The following MAGI2 variants were observed in gnomAD, a reference collection of about 807,000 sequenced individuals.
MAGI2 encodes membrane associated guanylate kinase, WW and PDZ domain containing 2.
A neutral mutation model predicts 133.3 loss-of-function variants in MAGI2; 35 were observed. The observed-to-expected ratio is 0.26, with a 90% CI of 0.20 to 0.35. The LOEUF is 0.35. Among genes scored for constraint, MAGI2 ranks in the 10% least tolerant of loss-of-function variants. The pLI, the probability that MAGI2 is intolerant of heterozygous loss-of-function variation, is 1.00. For synonymous variants in MAGI2, 729 were observed against 710.6 expected, an observed-to-expected ratio of 1.03 and a Z score of -0.41; for missense variants, 1,636 against 1,863.4, an observed-to-expected ratio of 0.88 and a Z score of 2.25.
intron 1 of MAGI2, among the ~76,000 whole-genome samples, chr7:79,383,925 C>A (rs1184362175): frequency 6.6e-5 from 10 of 151,130 alleles, no homozygotes; most frequent in Middle Eastern, 3.4e-3. Context: ...TTAGATATAC[C>A]AGACTGCAAT....
At chr7:78,928,047 C>T (rs1298494115) in intron 2 of MAGI2, among the ~76,000 whole-genome samples, 1 of 151,892 alleles carries the variant, frequency 6.6e-6, no homozygotes, top group South Asian at 2.1e-4. Context: ...AAAATTTATT[C>T]TGAATTATGC....
intron 1 of MAGI2, among the ~76,000 whole-genome samples, chr7:79,179,249 T>C (rs886811738): frequency 1.3e-5 from 2 of 151,980 alleles, no homozygotes; most frequent in South Asian, 4.1e-4. Context: ...AAATTTATGT[T>C]CAGCAAAATT....
intron 21 of MAGI2, among the ~76,000 whole-genome samples, chr7:78,044,018 G>A (rs11763652): frequency 0.067 from 10,151 of 152,178 alleles, 343 homozygotes; most frequent in South Asian, 0.077. Flanking sequence ...TATTTTCCCA[G>A]GGTAGCATGA....
Position 78,521,313 on chromosome 7 carries a change from G to T in MAGI2, c.754+117C>A, listed in dbSNP as rs144501013. 8.0e-4 allele frequency: 492 copies of T among 611,492 alleles called. 1 individual carries two copies. The African/African-American group carries it at 8.1e-3, about 10-fold the overall frequency. The allele number at this position is 611,492 out of a possible 1,614,324, so 37.9% of individuals were successfully genotyped here. A position where few individuals can be genotyped will look rare whatever the true frequency, so the allele number is the denominator to read the frequency against. On this transcript the variant is annotated intron_variant, in intron 4 of 21. Coordinates refer to ENST00000354212, the MANE Select transcript of MAGI2 (RefSeq NM_012301.4). ...ACACACAGATGTAAGAAATATATAT[G>T]TATATATTTATCTTACTATGTATCT...
At chr7:79,220,215 C>T (rs563005832) in intron 1 of MAGI2, among the ~76,000 whole-genome samples, 1 of 151,984 alleles carries the variant, frequency 6.6e-6, no homozygotes, top group South Asian at 2.1e-4. Flanking sequence ...ATGTGGTGGG[C>T]AGGGGAAGCA....
intron 2 of MAGI2, among the ~76,000 whole-genome samples, chr7:78,784,014 A>C (rs1002665272): frequency 6.6e-6 from 1 of 152,174 alleles, no homozygotes; most frequent in Admixed American, 6.5e-5. Context: ...AGAAGTTGAC[A>C]TGTTTTTGGA....
chr7:78,495,501 A>G (rs530719148), intron 5 of MAGI2, among the ~76,000 whole-genome samples: 15 of 152,312 alleles, frequency 9.8e-5, no homozygotes, highest in South Asian at 2.1e-4. Context: ...TCTTCCTTCT[A>G]TATCATCATT....
intron 2 of MAGI2, among the ~76,000 whole-genome samples, chr7:78,745,976 A>G (rs1822891043): frequency 6.6e-6 from 1 of 152,182 alleles, no homozygotes; most frequent in Admixed American, 6.5e-5. Context: ...TATAGCTCCT[A>G]AGTTCTCATT....
At chr7:79,374,754 C>T (rs979793898) in intron 1 of MAGI2, among the ~76,000 whole-genome samples, 3 of 151,894 alleles carry the variant, frequency 2.0e-5, no homozygotes. Context: ...AGAAACATTT[C>T]TTTATGGGTA....
intron 1 of MAGI2, among the ~76,000 whole-genome samples, chr7:79,447,557 G>C (rs1196510409): frequency 3.9e-5 from 6 of 151,944 alleles, no homozygotes; most frequent in African/African-American, 1.4e-4. Context: ...GCTAGCAGTG[G>C]AAGTATTGTT....
At chr7:78,404,884 C>A (rs919287702) in intron 6 of MAGI2, among the ~76,000 whole-genome samples, 1 of 152,124 alleles carries the variant, frequency 6.6e-6, no homozygotes, top group Non-Finnish European at 1.5e-5. Context: ...GAACAGGCAA[C>A]CTACAGAATG....
chr7:78,213,315 G>A (rs1787950202), intron 10 of MAGI2, among the ~76,000 whole-genome samples: 1 of 152,134 alleles, frequency 6.6e-6, no homozygotes, highest in African/African-American at 2.4e-5. Context: ...GGGTCCCCAG[G>A]TGACTAATGC....
At chr7:78,565,341 TGTA>T (rs774864066) in intron 3 of MAGI2, among the ~76,000 whole-genome samples, 22 of 152,072 alleles carry the variant, frequency 1.4e-4, no homozygotes, top group Non-Finnish European at 2.8e-4. Context: ...GGCATGCTCC[TGTA>T]GTCCTAGCTA....
rs544655465 is a variant in MAGI2, at chr7:78,536,103, C to CTTTTTTTTTTTTTTTTTTTTTT, written c.539-14480_539-14459dup. 3.3e-5 allele frequency among the ~76,000 whole-genome samples: 2 copies of CTTTTTTTTTTTTTTTTTTTTTT among 59,924 alleles called. 1 individual carries two copies. The highest frequency in any genetic ancestry group is 1.5e-4 in the African/African-American group (2 of 13,208). 39.3% of individuals were successfully genotyped at this position (59,924 alleles called of 152,430 possible). A position where few individuals can be genotyped will look rare whatever the true frequency, so the allele number is the denominator to read the frequency against. ...TACAGCTGGCTCTGTATGAATTAAACTTTTTTTTTTTTTTTTTTTTTTTTT... is the reference window on the plus strand; with the variant it reads ...TACAGCTGGCTCTGTATGAATTAAACTTTTTTTTTTTTTTTTTTTTTTTTTTTTTTTTTTTTTTTTTTTTTTT... On this transcript the variant is annotated intron_variant, in intron 3 of 21. Coordinates refer to ENST00000354212, the MANE Select transcript of MAGI2 (RefSeq NM_012301.4).
chr7:78,141,861 A>G (rs1822792470), intron 16 of MAGI2, among the ~76,000 whole-genome samples: 1 of 152,214 alleles, frequency 6.6e-6, no homozygotes, highest in Non-Finnish European at 1.5e-5. Context: ...GAGGGCAGAA[A>G]GCATCCTATA....
chr7:78,569,171 T>C (rs918565728), intron 3 of MAGI2, among the ~76,000 whole-genome samples: 5 of 152,060 alleles, frequency 3.3e-5, no homozygotes, highest in African/African-American at 9.7e-5. Context: ...TGCTTTATTT[T>C]CTTAAGAGCC....
At chr7:78,188,118 A>G (rs1180472112) in intron 12 of MAGI2, among the ~76,000 whole-genome samples, 2 of 152,168 alleles carry the variant, frequency 1.3e-5, no homozygotes, top group African/African-American at 2.4e-5. Flanking sequence ...TCCTACCACA[A>G]CTTTTATTTT....
chr7:78,307,553 A>G (rs1317900380), intron 9 of MAGI2, among the ~76,000 whole-genome samples: 1 of 152,196 alleles, frequency 6.6e-6, no homozygotes, highest in African/African-American at 2.4e-5. Context: ...TGTAACAGAA[A>G]GAACATTACC....
rs3051394 is a variant in MAGI2, at chr7:79,423,224, T to TAAAA, written c.301+29792_301+29795dup. Among the ~76,000 whole-genome samples the TAAAA allele has an allele frequency of 1.3e-3, 199 of 151,520 alleles. 3 individuals carry two copies. Among genetic ancestry groups the TAAAA allele is most frequent in the African/African-American group, 4.6e-3 (192 of 41,348 alleles). Reference sequence around the variant, plus strand: ...TTGAAATCGTTGTACACATCATCAATAAAAACTATATTTATTATTTGTAAA... The same window carrying TAAAA: ...TTGAAATCGTTGTACACATCATCAATAAAAAAAAACTATATTTATTATTTGTAAA... On this transcript the variant is annotated intron_variant, in intron 1 of 21. Transcript: ENST00000354212.
Sources: allele counts gnomAD v4.1 joint callset (sites outside exome capture counted in the v4.1 genomes callset), GRCh38; gene constraint gnomAD v4.1.1; transcripts MANE v1.5; gene names NCBI Gene and HGNC (gene_info 2026-07-23, HGNC 2026-07-21).